NAV3: variants seen among roughly 807,000 people sequenced by gnomAD.
NAV3 encodes the protein neuron navigator 3.
Under a neutral mutation model 244.7 loss-of-function variants are expected in NAV3, and 87 were observed. The ratio of observed to expected loss-of-function variants is 0.36; its 90% CI spans 0.30 to 0.42. The LOEUF (loss-of-function observed/expected upper bound fraction) is 0.42, where lower values mean the gene tolerates loss of function less well. Ranked by LOEUF, NAV3 falls within the 20% of genes least tolerant of loss-of-function variation. NAV3 has a pLI of 1.00. For missense variants in NAV3, 2,663 were observed against 2,893.3 expected (o/e 0.92, Z 1.83); for synonymous variants, 1,126 against 1,042.2 (o/e 1.08, Z -1.55).
intron 23 of NAV3, among the ~76,000 whole-genome samples, chr12:78,159,501 T>A (rs1957437265): frequency 6.6e-6 from 1 of 151,764 alleles, no homozygotes; most frequent in South Asian, 2.1e-4. Context: ...CCATCTCTAC[T>A]AAAAACACAC....
At chr12:77,762,073 G>T (rs1024076573) in intron 2 of NAV3, among the ~76,000 whole-genome samples, 4 of 152,164 alleles carry the variant, frequency 2.6e-5, no homozygotes, top group African/African-American at 9.7e-5. Context: ...TGTGGCCCAT[G>T]TACACCATGG....
Position 78,119,469 on chromosome 12 carries a change from A to C in NAV3, c.3273A>C (p.Ala1091=), listed in dbSNP as rs2138612592. Residue 1091 remains alanine, a synonymous_variant, in exon 15 of 40, where the codon GCA becomes GCC. Coordinates refer to ENST00000397909, the MANE Select transcript of NAV3 (RefSeq NM_001024383.2). ...SSGATITSGS[A]TLGKIPKSAA... is the part of the protein sequence containing the mutation. ...GAGCAACCATAACAAGTGGCTCTGC[A>C]ACACTGGGTAAAATTCCAAAATCTG... The C allele has an allele frequency of 1.2e-6, 2 of 1,614,254 alleles. No homozygotes were observed. Among genetic ancestry groups the C allele is most frequent in the South Asian group, 1.1e-5 (1 of 91,092 alleles).
intron 2 of NAV3, among the ~76,000 whole-genome samples, chr12:77,641,523 A>G (rs1290097753): frequency 6.6e-6 from 1 of 152,152 alleles, no homozygotes; most frequent in Non-Finnish European, 1.5e-5. Flanking sequence ...TATAATAAAA[A>G]GGAATTTGTA....
chr12:78,151,566 C>T (rs1026670159), intron 22 of NAV3, among the ~76,000 whole-genome samples: 4 of 151,832 alleles, frequency 2.6e-5, no homozygotes, highest in African/African-American at 4.8e-5. Flanking sequence ...ATTTATATAA[C>T]ATTCCAGAAA....
chr12:77,977,878 C>T (rs910870039), intron 5 of NAV3, among the ~76,000 whole-genome samples: 1 of 152,078 alleles, frequency 6.6e-6, no homozygotes, highest in African/African-American at 2.4e-5. Flanking sequence ...GGCCAGAGCT[C>T]ATTTTATGAT....
In NAV3 at chr12:78,204,522, C is replaced by A. The variant is rs574503932; in HGVS notation, c.6835-413C>A. Among the ~76,000 whole-genome samples the A allele has an allele frequency of 6.0e-3, 913 of 152,162 alleles. 13 individuals are homozygous for A. The highest frequency in any genetic ancestry group is 0.021 in the African/African-American group (860 of 41,534). The stretch of plus-strand genomic sequence containing the variant: ...TTACTTTTATTTTATTTCCATCTTT[C>A]CAAGGTACACTTTAGTAGAGAACTC... On this transcript the variant is annotated intron_variant, in intron 38 of 39. Transcript: ENST00000397909.
rs1424583722 is a variant in NAV3, at chr12:77,887,255, A to G, written c.244-53064A>G. 2.6e-5 allele frequency among the ~76,000 whole-genome samples: 4 copies of G among 152,274 alleles called. No homozygotes were observed. The East Asian group carries it at 7.7e-4, about 29-fold the overall frequency. On this transcript the variant is annotated intron_variant, in intron 1 of 39. Transcript: ENST00000397909. ...TTCCATATAGTTTTGCTCTTTGGTA[A>G]TCATGAGATGGAAGACTTAGATCCC...
In NAV3 at chr12:77,711,715, A is replaced by G. The variant is rs1876121726; in HGVS notation, c.72+139449A>G. The stretch of plus-strand genomic sequence containing the variant: ...AGGGAGGTGGGCACCCACAGACTGG[A>G]AGATTTTGACTGGAAGCTTTTACTG... On this transcript the variant is annotated intron_variant, in intron 2 of 8. Transcript: ENST00000550042. Among the ~76,000 whole-genome samples the G allele has an allele frequency of 2.6e-5, 4 of 152,158 alleles. No homozygotes were observed. In the South Asian group the frequency reaches 8.3e-4, roughly 32 times the overall value.
intron 1 of NAV3, among the ~76,000 whole-genome samples, chr12:77,909,551 A>T (rs1408310845): frequency 1.3e-5 from 2 of 152,128 alleles, no homozygotes; most frequent in African/African-American, 4.8e-5. Flanking sequence ...TCTTTCAGGT[A>T]GAACAAGTTC....
intron 3 of NAV3, among the ~76,000 whole-genome samples, chr12:77,960,924 A>G (rs936763537): frequency 1.4e-5 from 2 of 146,808 alleles, no homozygotes; most frequent in Non-Finnish European, 3.0e-5. Flanking sequence ...ACATGTGTTT[A>G]ATATATTATG....
chr12:77,784,433 C>A (rs968596501), intron 2 of NAV3, among the ~76,000 whole-genome samples: 1 of 152,070 alleles, frequency 6.6e-6, no homozygotes, highest in Non-Finnish European at 1.5e-5. Flanking sequence ...CAACCAAAAG[C>A]CAAAGGGAAA....
intron 2 of NAV3, among the ~76,000 whole-genome samples, chr12:77,630,764 G>GCTTTATTTCAATAAAATTTGCAGATTCA: frequency 6.6e-6 from 1 of 152,080 alleles, no homozygotes; most frequent in South Asian, 2.1e-4. Context: ...ATCTTTTATT[G>GCTTTATTTCAATAAAATTTGCAGATTCA]CTTTATTTCA....
intron 31 of NAV3, among the ~76,000 whole-genome samples, chr12:78,186,054 A>C (rs1357095684): frequency 6.6e-6 from 1 of 151,890 alleles, no homozygotes; most frequent in Non-Finnish European, 1.5e-5. Context: ...TAGAGCTGTC[A>C]ATATGGTCTT....
At chr12:78,143,424 A>C (rs764050486) in intron 20 of NAV3, 7 of 435,946 alleles carry the variant, frequency 1.6e-5, no homozygotes, top group Admixed American at 1.0e-4. Context: ...TGAGGTCAGG[A>C]GTTCGAGACC....
chr12:77,990,212 G>A (rs1435507731), intron 5 of NAV3, among the ~76,000 whole-genome samples: 1 of 148,734 alleles, frequency 6.7e-6, no homozygotes, highest in Non-Finnish European at 1.5e-5. Context: ...TGACAAGAAT[G>A]GGAGATCAGT....
chr12:77,808,724 T>C (rs920134854), intron 2 of NAV3, among the ~76,000 whole-genome samples: 9 of 152,350 alleles, frequency 5.9e-5, no homozygotes, highest in African/African-American at 2.2e-4. Context: ...CCTGCTGCTC[T>C]CTTCAGAGAC....
intron 9 of NAV3, among the ~76,000 whole-genome samples, chr12:78,032,826 T>G (rs1266026944): frequency 6.6e-6 from 1 of 152,230 alleles, no homozygotes; most frequent in Non-Finnish European, 1.5e-5. Flanking sequence ...CAAGTGATTC[T>G]GCCAAATGTA....
intron 1 of NAV3, among the ~76,000 whole-genome samples, chr12:77,908,553 G>C (rs963981621): frequency 6.6e-6 from 1 of 152,024 alleles, no homozygotes; most frequent in Admixed American, 6.6e-5. Context: ...TTAGCTTCCA[G>C]TGTCTAGTTT....
At chr12:77,873,456 T>A (rs1881295762) in intron 1 of NAV3, among the ~76,000 whole-genome samples, 1 of 151,784 alleles carries the variant, frequency 6.6e-6, no homozygotes, top group Non-Finnish European at 1.5e-5. Context: ...CCACATATAT[T>A]TTGATGAACT....
Sources: allele counts gnomAD v4.1 joint callset (sites outside exome capture counted in the v4.1 genomes callset), GRCh38; gene constraint gnomAD v4.1.1; transcripts MANE v1.5; gene names NCBI Gene and HGNC (gene_info 2026-07-23, HGNC 2026-07-21).